Variants in NDUFA9 observed in about 807,000 individuals in gnomAD.
NDUFA9 encodes the protein NADH:ubiquinone oxidoreductase subunit A9.
NDUFA9 carries 23 observed loss-of-function variants against 45.9 expected under a neutral mutation model. The ratio of observed to expected loss-of-function variants is 0.50; its 90% CI spans 0.36 to 0.71. The LOEUF is 0.71. Ranked by LOEUF, NDUFA9 falls within the 30% of genes least tolerant of loss-of-function variation. The pLI, the probability that NDUFA9 is intolerant of heterozygous loss-of-function variation, is 0.00. For missense variants in NDUFA9, 466 were observed against 488.2 expected (o/e 0.95, Z 0.43); for synonymous variants, 176 against 170.5 (o/e 1.03, Z -0.25).
chr12:4,650,606 C>T (rs1945753045), intron 1 of NDUFA9, among the ~76,000 whole-genome samples: 1 of 152,142 alleles, frequency 6.6e-6, no homozygotes, highest in South Asian at 2.1e-4. Context: ...AATCCACACA[C>T]TATAGGACAG....
intron 6 of NDUFA9, among the ~76,000 whole-genome samples, chr12:4,665,258 C>T (rs1945846535): frequency 6.6e-6 from 1 of 152,172 alleles, no homozygotes; most frequent in Non-Finnish European, 1.5e-5. Flanking sequence ...CCTCCTTCCC[C>T]CCAGCCCCTG....
intron 1 of NDUFA9, chr12:4,653,660 G>A (rs1346314305): frequency 2.3e-6 from 1 of 430,272 alleles, no homozygotes; most frequent in Admixed American, 2.7e-5. Flanking sequence ...TATTTGTGAT[G>A]TTCTTCAGTG....
intron 6 of NDUFA9, among the ~76,000 whole-genome samples, chr12:4,667,276 T>G (rs1275995291): frequency 6.6e-6 from 1 of 152,152 alleles, no homozygotes; most frequent in African/African-American, 2.4e-5. Context: ...TATCTCTTAG[T>G]TCCTATCACA....
At chr12:4,683,303 C>T (rs1171764934) in intron 9 of NDUFA9, among the ~76,000 whole-genome samples, 3 of 152,110 alleles carry the variant, frequency 2.0e-5, no homozygotes, top group Non-Finnish European at 4.4e-5. Context: ...AAATCTTGAA[C>T]TTACCATGTC....
intron 5 of NDUFA9, among the ~76,000 whole-genome samples, 159 bp downstream of exon 5, chr12:4,659,336 G>C (rs1945810321): frequency 6.8e-6 from 1 of 146,900 alleles, no homozygotes; most frequent in Non-Finnish European, 1.5e-5. Flanking sequence ...GTGATGTTTT[G>C]ACGTTTTGAT....
At chr12:4,652,169 G>T (rs1460833250) in intron 1 of NDUFA9, among the ~76,000 whole-genome samples, 1 of 152,090 alleles carries the variant, frequency 6.6e-6, no homozygotes, top group Non-Finnish European at 1.5e-5. Context: ...CAGTGGGTGA[G>T]CTCCTTCTGT....
chr12:4,658,736 T>TA (rs557500762), intron 4 of NDUFA9, among the ~76,000 whole-genome samples: 3 of 152,140 alleles, frequency 2.0e-5, no homozygotes, highest in Non-Finnish European at 4.4e-5. Flanking sequence ...AATTTTAGCT[T>TA]AAAAAAATTA....
intron 8 of NDUFA9, among the ~76,000 whole-genome samples, chr12:4,672,453 C>G (rs1945893075): frequency 6.6e-6 from 1 of 152,196 alleles, no homozygotes. Context: ...GGTCCCACCC[C>G]CACAGAGCCC....
chr12:4,679,266 G>A (rs565531093), intron 8 of NDUFA9, among the ~76,000 whole-genome samples: 2 of 152,262 alleles, frequency 1.3e-5, no homozygotes, highest in South Asian at 4.1e-4. Context: ...AGGATTAAAT[G>A]GCTGTGGAGG....
chr12:4,668,397 T>C, intron 6 of NDUFA9, 60 bp from the exon 7 acceptor site: 1 of 1,279,680 alleles, frequency 7.8e-7, no homozygotes, highest in South Asian at 1.2e-5. Context: ...ATCTTAAGAC[T>C]GTTGGATCTT....
In NDUFA9 at chr12:4,669,726, T is replaced by G; in HGVS notation, c.724-15T>G. 6.6e-7 allele frequency: 1 copy of G among 1,512,362 alleles called. No homozygotes were observed. Among genetic ancestry groups the G allele is most frequent in the African/African-American group, 1.4e-5 (1 of 72,984 alleles). 93.7% of individuals were successfully genotyped at this position (1,512,362 alleles called of 1,614,324 possible). ...TTTCAACAATTACTTAGACATATAT[T>G]ATAATTTCTTACAGGTCGTAGATGT... On this transcript the variant is annotated splice_polypyrimidine_tract_variant and intron_variant, in intron 7 of 10. Coordinates refer to ENST00000266544, the MANE Select transcript of NDUFA9 (RefSeq NM_005002.5).
intron 9 of NDUFA9, among the ~76,000 whole-genome samples, chr12:4,683,088 C>A (rs536340832): frequency 1.3e-5 from 2 of 151,922 alleles, no homozygotes; most frequent in African/African-American, 4.8e-5. Context: ...CACCTATAGT[C>A]CCAGCTACTT....
rs879636991 is a variant in NDUFA9 at position 4,694,168 on chromosome 12, AT to A, written c.*7062del. On this transcript the variant is annotated 3_prime_UTR_variant, in exon 11 of 11. Transcript: ENST00000266544. Reference sequence around the variant, plus strand: ...ATAATTCTTGTCTATAGACGTGTACATTGTGTCTTAGCGTAGATTCACCCGA... The same window carrying A: ...ATAATTCTTGTCTATAGACGTGTACATGTGTCTTAGCGTAGATTCACCCGA... 3.9e-5 allele frequency: 6 copies of A among 152,200 alleles called. No homozygotes were observed. The highest frequency in any genetic ancestry group is 3.9e-4 in the Admixed American group (6 of 15,276). The allele number at this position is 152,200 out of a possible 1,614,324, so 9.4% of individuals were successfully genotyped here.
At chr12:4,652,748 C>T (rs963695284) in intron 1 of NDUFA9, among the ~76,000 whole-genome samples, 2 of 152,212 alleles carry the variant, frequency 1.3e-5, no homozygotes, top group Non-Finnish European at 2.9e-5. Context: ...ACCTATGCAG[C>T]ACTTAGAATA....
chr12:4,680,476 C>T (rs1945945788), intron 8 of NDUFA9, among the ~76,000 whole-genome samples: 1 of 152,102 alleles, frequency 6.6e-6, no homozygotes, highest in South Asian at 2.1e-4. Flanking sequence ...TTCAATGTAC[C>T]TTTGGCTGTG....
At chr12:4,664,179 A>G (rs1201425349) in intron 6 of NDUFA9, among the ~76,000 whole-genome samples, 1 of 152,260 alleles carries the variant, frequency 6.6e-6, no homozygotes. Flanking sequence ...CAGCTTATCC[A>G]TATTGCAAAA....
chr12:4,675,162 A>G (rs1818480431), intron 8 of NDUFA9, among the ~76,000 whole-genome samples: 1 of 152,240 alleles, frequency 6.6e-6, no homozygotes, highest in Non-Finnish European at 1.5e-5. Flanking sequence ...AGCACATTTA[A>G]AACAGTGTGT....
intron 6 of NDUFA9, among the ~76,000 whole-genome samples, chr12:4,667,956 A>G (rs1945863320): frequency 6.6e-6 from 1 of 151,966 alleles, no homozygotes; most frequent in Admixed American, 6.5e-5. Flanking sequence ...TTTTTCAAAT[A>G]GCAGAATAAT....
intron 1 of NDUFA9, chr12:4,653,735 A>G (rs545350306): frequency 1.7e-3 from 616 of 363,636 alleles, no homozygotes; most frequent in Non-Finnish European, 2.7e-3. Flanking sequence ...TTCTGTACTA[A>G]TAATCATCTG....
Sources: gnomAD v4.1 joint callset for allele counts (sites outside exome capture counted in the v4.1 genomes callset) on GRCh38, gnomAD v4.1.1 for gene constraint, MANE v1.5 for transcripts, NCBI Gene and HGNC (gene_info 2026-07-23, HGNC 2026-07-21) for gene names.